FHIP2B: variants seen among roughly 807,000 people sequenced by gnomAD.
FHIP2B encodes FHF complex subunit HOOK-interacting protein 2B.
A neutral mutation model predicts 84.0 loss-of-function variants in FHIP2B; 72 were observed. The observed-to-expected ratio is 0.86, with a 90% CI of 0.71 to 1.04. FHIP2B has a LOEUF of 1.04. Ranked by LOEUF, FHIP2B falls within the 50% of genes least tolerant of loss-of-function variation. FHIP2B has a pLI of 0.00. For synonymous variants in FHIP2B, 497 were observed against 418.7 expected (o/e 1.19, Z -2.28); for missense variants, 972 against 968.9 (o/e 1.00, Z -0.04).
chr8:22,096,801 C>T (rs1455746545), intron 3 of FHIP2B: 4 of 303,522 alleles, frequency 1.3e-5, no homozygotes, highest in Non-Finnish European at 2.4e-5. Context: ...ACCATCCCAG[C>T]GCTCCTGTTC....
intron 2 of FHIP2B, chr8:22,094,854 G>T (rs1194473197): frequency 4.3e-6 from 5 of 1,164,794 alleles, no homozygotes; most frequent in Non-Finnish European, 5.3e-6. Context: ...CAGGCCCCAG[G>T]TGCTTGTGCC....
chr8:22,097,898 T>C, intron 5 of FHIP2B, 59 bp downstream of exon 5: 2 of 1,592,202 alleles, frequency 1.3e-6, no homozygotes, highest in South Asian at 1.1e-5. Context: ...GCAAGCCCCC[T>C]CTGCCCTCCT....
intron 5 of FHIP2B, 85 bp downstream of exon 5, chr8:22,097,924 G>A (rs1825869928): frequency 6.4e-7 from 1 of 1,572,758 alleles, no homozygotes; most frequent in African/African-American, 1.4e-5. Flanking sequence ...GGCAGAAGCA[G>A]AGATCAGGTA....
chr8:22,097,988 G>A, intron 5 of FHIP2B, 80 bp from the exon 6 acceptor site: 1 of 1,527,452 alleles, frequency 6.5e-7, no homozygotes, highest in South Asian at 1.3e-5. Context: ...CGCCCTGCTG[G>A]CAGCCCACCC....
At position 22,102,200 on chromosome 8, in the gene FHIP2B, C is replaced by T. The variant is rs1563603474; in HGVS notation, c.1877C>T (p.Thr626Ile). ...CCATACAGCCTGAACCTGCAGGTGA[C>T]CTCGGTCCTGTCCCGGCTTGCCCTC... is the stretch of plus-strand genomic sequence containing the variant. ...DQPYSLNLQV[T>I]SVLSRLALFP... Residue 626 changes from threonine (T) to isoleucine (I), a missense_variant, in exon 15 of 17, where the codon ACC becomes ATC. Transcript: ENST00000289921. The T allele has an allele frequency of 2.5e-6, 4 of 1,613,550 alleles. No homozygotes were observed. The highest frequency in any genetic ancestry group is 3.4e-6 in the Non-Finnish European group (4 of 1,179,874).
intron 1 of FHIP2B, among the ~76,000 whole-genome samples, chr8:22,091,339 C>T (rs1231989989): frequency 3.3e-5 from 5 of 150,246 alleles, no homozygotes; most frequent in Non-Finnish European, 7.4e-5. Flanking sequence ...GCAACCTCCA[C>T]CTCAAGTGGT....
intron 3 of FHIP2B, 185 bp downstream of exon 3, chr8:22,096,694 C>G: frequency 1.3e-6 from 1 of 778,610 alleles, no homozygotes; most frequent in Non-Finnish European, 1.9e-6. Context: ...CCAGGCCTTT[C>G]TGCCTATGCT....
chr8:22,100,618 T>C lies in FHIP2B; in HGVS notation c.1366T>C (p.Phe456Leu). The change falls in exon 11 of 17, where the codon TTT becomes CTT. Residue 456 changes from phenylalanine to leucine, a missense_variant. By Grantham distance (22) the Phe-to-Leu change is conservative. Coordinates refer to ENST00000289921, the MANE Select transcript of FHIP2B (RefSeq NM_022749.7). ...DEISITTLRL[F>L]EELLQKPHEG... is the part of the protein sequence containing the mutation. ...GATCAGCATCACCACACTCCGGCTG[T>C]TTGAGGAGCTGCTGCAGAAGCCCCA... is the stretch of plus-strand genomic sequence containing the variant. 1 of 1,580,256 alleles carries C rather than the reference T, an allele frequency of 6.3e-7. No individual in the cohort carries two copies. Among genetic ancestry groups the C allele is most frequent in the Non-Finnish European group, 8.6e-7 (1 of 1,163,394 alleles).
intron 1 of FHIP2B, among the ~76,000 whole-genome samples, chr8:22,091,541 C>T (rs1017041906): frequency 1.3e-5 from 2 of 152,228 alleles, no homozygotes; most frequent in Non-Finnish European, 2.9e-5. Context: ...ACCACCATGT[C>T]TGGCCACTAA....
chr8:22,094,489 G>A lies in FHIP2B; in HGVS notation c.95G>A (p.Gly32Asp). The A allele has an allele frequency of 6.2e-7, 1 of 1,611,742 alleles. No individual in the cohort carries two copies. Among genetic ancestry groups the A allele is most frequent in the South Asian group, 1.1e-5 (1 of 91,012 alleles). The change falls in exon 2 of 17, where the codon GGC (glycine) becomes GAC (aspartate). Residue 32 changes from glycine to aspartate, a missense_variant. Transcript: ENST00000289921. ...CAGGCCTTCGTGGAGCACTGGAAGG[G>A]CATCACGCACTACTACATCGAGAGC... Reference protein sequence around the residue: ...LLQAFVEHWKGITHYYIESTD... With the variant: ...LLQAFVEHWKDITHYYIESTD...
At position 22,096,507 on chromosome 8, in the gene FHIP2B, G is replaced by C; in HGVS notation, c.295G>C (p.Glu99Gln). 6.5e-7 allele frequency: 1 copy of C among 1,530,526 alleles called. No individual in the cohort carries two copies. Among genetic ancestry groups the C allele is most frequent in the Admixed American group, 2.0e-5 (1 of 49,414 alleles). The allele number at this position is 1,530,526 out of a possible 1,614,324, so 94.8% of individuals were successfully genotyped here. A position where few individuals can be genotyped will look rare whatever the true frequency, so the allele number is the denominator to read the frequency against. ...LETLCTLGKAEYPPGMRQQVF... is the reference protein window; with the variant it reads ...LETLCTLGKAQYPPGMRQQVF... Reference sequence around the variant, plus strand: ...GACTCTCTGCACGCTGGGCAAGGCCGAGGTGGGAGGCCCTCTGCGCGCTGG... The same window carrying C: ...GACTCTCTGCACGCTGGGCAAGGCCCAGGTGGGAGGCCCTCTGCGCGCTGG... The change falls in exon 3 of 17, where the codon GAG (glutamate) becomes CAG (glutamine). Residue 99 changes from glutamate to glutamine, a missense_variant and splice_region_variant. Transcript: ENST00000289921.
In FHIP2B at chr8:22,102,874, G is replaced by A; in HGVS notation, c.2175G>A (p.Lys725=). ...CKELAAIAFV[K]FPPHDPRQNV... The stretch of plus-strand genomic sequence containing the variant: ...AGCTGGCTGCCATTGCCTTCGTCAA[G>A]TTTCCCCCACATGATCCTCGCCAGA... The change falls in exon 17 of 17, where the codon AAG becomes AAA. Residue 725 remains lysine (K), a synonymous_variant. Coordinates refer to ENST00000289921, the MANE Select transcript of FHIP2B (RefSeq NM_022749.7). 6.2e-7 allele frequency: 1 copy of A among 1,613,766 alleles called. No individual in the cohort carries two copies. The highest frequency in any genetic ancestry group is 8.5e-7 in the Non-Finnish European group (1 of 1,179,836).
chr8:22,104,850 T>C lies in FHIP2B; in HGVS notation c.*1919T>C, dbSNP rs1321337544. 3 of 117,250 alleles carry C rather than the reference T, an allele frequency of 2.6e-5. No individual in the cohort carries two copies. Among genetic ancestry groups the C allele is most frequent in the East Asian group, 2.9e-4 (1 of 3,416 alleles). The allele number at this position is 117,250 out of a possible 1,614,324, so 7.3% of individuals were successfully genotyped here. On this transcript the variant is annotated 3_prime_UTR_variant, in exon 17 of 17. Transcript: ENST00000289921. ...CCTGTCTAAAAAAAAAAAAAAAAAATTTCACAGGTGTGTTCTCAGGGAAAA... is the reference window on the plus strand; with the variant it reads ...CCTGTCTAAAAAAAAAAAAAAAAAACTTCACAGGTGTGTTCTCAGGGAAAA...
intron 3 of FHIP2B, 163 bp downstream of exon 3, chr8:22,096,672 G>A: frequency 1.0e-6 from 1 of 996,348 alleles, no homozygotes; most frequent in South Asian, 2.0e-5. Flanking sequence ...GCAGCCTGGG[G>A]CTCCCTGGAT....
chr8:22,099,620 G>A (rs1285702516), intron 9 of FHIP2B, 84 bp from the exon 10 acceptor site: 21 of 1,430,650 alleles, frequency 1.5e-5, no homozygotes, highest in East Asian at 4.6e-5. Flanking sequence ...CCAAACATGC[G>A]AGGCAAGCAG....
intron 12 of FHIP2B, 158 bp downstream of exon 12, chr8:22,101,130 C>A: frequency 1.1e-6 from 1 of 939,444 alleles, no homozygotes; most frequent in Non-Finnish European, 1.6e-6. Flanking sequence ...CCAAGCGATT[C>A]CTGTGCCTCA....
chr8:22,095,017 C>A, intron 2 of FHIP2B: 1 of 443,792 alleles, frequency 2.3e-6, no homozygotes, highest in Non-Finnish European at 3.0e-6. Flanking sequence ...GCTGACACCC[C>A]AAAGAGCCAA....
Position 22,098,437 on chromosome 8 carries a change from C to T in FHIP2B, c.783C>T (p.Ala261=). Reference sequence around the variant, plus strand: ...TCATCCCCTAGAAGAGTCGGGTGGCCTTGAAGGCCCAGGAGAACCTGCTGC... The same window carrying T: ...TCATCCCCTAGAAGAGTCGGGTGGCTTTGAAGGCCCAGGAGAACCTGCTGC... ...GLCQSKKSRV[A]LKAQENLLLL... Residue 261 remains alanine, a synonymous_variant, in exon 7 of 17, where the codon GCC becomes GCT. Coordinates refer to ENST00000289921, the MANE Select transcript of FHIP2B (RefSeq NM_022749.7). 1 of 1,597,958 alleles carries T rather than the reference C, an allele frequency of 6.3e-7. No individual in the cohort carries two copies.
At position 22,100,597 on chromosome 8, in the gene FHIP2B, A is replaced by G; in HGVS notation, c.1345A>G (p.Ser449Gly). ...GCCGACCCCCTTCCTGCTCCAGATC[A>G]GCATCACCACACTCCGGCTGTTTGA... Reference protein sequence around the residue: ...GHCDHLSDEISITTLRLFEEL... With the variant: ...GHCDHLSDEIGITTLRLFEEL... The change falls in exon 11 of 17, where the codon AGC becomes GGC. Residue 449 changes from serine to glycine, a missense_variant. Ser to Gly is a moderately conservative substitution (Grantham distance 56). Transcript: ENST00000289921. The G allele has an allele frequency of 6.5e-7, 1 of 1,544,154 alleles. No homozygotes were observed. Among genetic ancestry groups the G allele is most frequent in the Non-Finnish European group, 8.7e-7 (1 of 1,145,772 alleles).
Sources: allele counts gnomAD v4.1 joint callset (sites outside exome capture counted in the v4.1 genomes callset), GRCh38; gene constraint gnomAD v4.1.1; transcripts MANE v1.5; gene names NCBI Gene and HGNC (gene_info 2026-07-23, HGNC 2026-07-21).